The following SPATA17 variants were observed in gnomAD, a reference collection of about 807,000 sequenced individuals.
The protein encoded by SPATA17 is spermatogenesis associated 17.
A neutral mutation model predicts 62.2 loss-of-function variants in SPATA17; 53 were observed. The ratio of observed to expected loss-of-function variants is 0.85; its 90% CI spans 0.68 to 1.07. The LOEUF is 1.07. SPATA17 is among the 50% of genes least tolerant of loss of function. The probability of loss-of-function intolerance (pLI) is 0.00; values close to 1 mark genes in which losing one functional copy is unlikely to be tolerated. For synonymous variants in SPATA17, 146 were observed against 146.8 expected (o/e 0.99, Z 0.04); for missense variants, 466 against 425.5 (o/e 1.10, Z -0.84).
intron 6 of SPATA17, among the ~76,000 whole-genome samples, chr1:217,760,114 T>G (rs960768817): frequency 6.6e-5 from 10 of 152,172 alleles, no homozygotes; most frequent in Non-Finnish European, 1.3e-4. Context: ...TCGATCAAAA[T>G]TTGTATTGAC....
chr1:217,632,791 T>A (rs923164537), intron 1 of SPATA17, among the ~76,000 whole-genome samples: 1 of 152,246 alleles, frequency 6.6e-6, no homozygotes, highest in Admixed American at 6.5e-5. Context: ...ATAGAAATTA[T>A]CTATTTATTT....
At chr1:217,670,891 C>G (rs1246814300) in intron 4 of SPATA17, among the ~76,000 whole-genome samples, 1 of 144,280 alleles carries the variant, frequency 6.9e-6, no homozygotes, top group Admixed American at 7.2e-5. Flanking sequence ...GCGGAAGTGG[C>G]AGTGAGCCGA....
At chr1:217,841,857 TGATA>T (rs1675411557) in intron 9 of SPATA17, among the ~76,000 whole-genome samples, 1 of 151,120 alleles carries the variant, frequency 6.6e-6, no homozygotes, top group Non-Finnish European at 1.5e-5. Context: ...ATTATGTATA[TGATA>T]AATATATATA....
chr1:217,806,623 A>G (rs754476122), intron 9 of SPATA17, among the ~76,000 whole-genome samples: 3 of 152,176 alleles, frequency 2.0e-5, no homozygotes, highest in East Asian at 1.9e-4. Flanking sequence ...GCTTCTGTCA[A>G]TAGAGCTGAT....
chr1:217,838,832 A>G (rs1222587772), intron 9 of SPATA17, among the ~76,000 whole-genome samples: 1 of 152,090 alleles, frequency 6.6e-6, no homozygotes, highest in African/African-American at 2.4e-5. Flanking sequence ...TGGTTCAAAC[A>G]TTTGTCATCT....
At chr1:217,779,172 GTC>G (rs1553251671) in intron 7 of SPATA17, among the ~76,000 whole-genome samples, 2 of 149,758 alleles carry the variant, frequency 1.3e-5, no homozygotes, top group African/African-American at 2.5e-5. Context: ...GTGTGTGTGT[GTC>G]TGTGTATGGA....
chr1:217,636,122 A>C, intron 1 of SPATA17, among the ~76,000 whole-genome samples: 1 of 88,280 alleles, frequency 1.1e-5, no homozygotes, highest in African/African-American at 5.1e-5. Context: ...ACAGAATGAG[A>C]CTCCGTCTCA....
chr1:217,666,668 G>C (rs559411145), intron 3 of SPATA17, among the ~76,000 whole-genome samples: 2 of 152,094 alleles, frequency 1.3e-5, no homozygotes, highest in African/African-American at 4.8e-5. Flanking sequence ...TTCATCTCCA[G>C]AACTTTTTCA....
chr1:217,748,147 C>CA (rs1672809356), intron 6 of SPATA17, among the ~76,000 whole-genome samples: 6 of 150,982 alleles, frequency 4.0e-5, no homozygotes, highest in Admixed American at 3.3e-4. Flanking sequence ...ACAAAAAATA[C>CA]AAAAAATTAG....
intron 5 of SPATA17, among the ~76,000 whole-genome samples, chr1:217,721,748 C>T (rs769416871): frequency 2.6e-5 from 4 of 152,308 alleles, no homozygotes; most frequent in African/African-American, 7.2e-5. Context: ...GAGTACTAAA[C>T]TCCTTCTACC....
At chr1:217,830,177 A>G (rs1170314044) in intron 9 of SPATA17, among the ~76,000 whole-genome samples, 1 of 152,112 alleles carries the variant, frequency 6.6e-6, no homozygotes, top group Non-Finnish European at 1.5e-5. Flanking sequence ...ATCTCATATC[A>G]TTTTGTATCT....
rs367871483 is a variant in SPATA17 at position 217,666,160 on chromosome 1, T to C, written c.241-2873T>C. Reference sequence around the variant, plus strand: ...ATCTTCCCCTTTAAAGTAGACTTGATATCTTGATGATAAAGGAATAGGTAA... The same window carrying C: ...ATCTTCCCCTTTAAAGTAGACTTGACATCTTGATGATAAAGGAATAGGTAA... On this transcript the variant is annotated intron_variant, in intron 3 of 10. Coordinates refer to ENST00000366933, the MANE Select transcript of SPATA17 (RefSeq NM_138796.4). Among the ~76,000 whole-genome samples the C allele has an allele frequency of 4.3e-4, 66 of 152,330 alleles. 1 individual carries two copies. In the South Asian group the frequency reaches 0.013, roughly 31 times the overall value.
At chr1:217,857,887 A>G (rs1025901131) in intron 9 of SPATA17, among the ~76,000 whole-genome samples, 6 of 152,178 alleles carry the variant, frequency 3.9e-5, no homozygotes, top group African/African-American at 9.7e-5. Flanking sequence ...TATCTGTACT[A>G]TTGTCTGACA....
intron 6 of SPATA17, among the ~76,000 whole-genome samples, chr1:217,751,209 G>T (rs1318333198): frequency 1.3e-5 from 2 of 152,188 alleles, no homozygotes; most frequent in African/African-American, 2.4e-5. Flanking sequence ...ATGTAATTTA[G>T]ATATCTGTGG....
chr1:217,736,591 T>C (rs1672514012), intron 5 of SPATA17, among the ~76,000 whole-genome samples: 1 of 151,980 alleles, frequency 6.6e-6, no homozygotes, highest in Non-Finnish European at 1.5e-5. Context: ...AATGGTTTGC[T>C]AGGAAATGAA....
At chr1:217,648,207 A>C (rs1670233803) in intron 1 of SPATA17, among the ~76,000 whole-genome samples, 1 of 152,136 alleles carries the variant, frequency 6.6e-6, no homozygotes, top group Non-Finnish European at 1.5e-5. Flanking sequence ...TAATGCAACT[A>C]TTTATATATT....
At chr1:217,828,951 G>T (rs920235931) in intron 9 of SPATA17, among the ~76,000 whole-genome samples, 2 of 152,122 alleles carry the variant, frequency 1.3e-5, no homozygotes, top group Non-Finnish European at 2.9e-5. Flanking sequence ...ACAAATGTTG[G>T]TGAGGGTGTA....
At chr1:217,853,770 T>G (rs1558077469) in intron 9 of SPATA17, among the ~76,000 whole-genome samples, 1 of 152,166 alleles carries the variant, frequency 6.6e-6, no homozygotes, top group Admixed American at 6.5e-5. Flanking sequence ...AACTGACATA[T>G]ATTTTGACTC....
chr1:217,680,552 G>T (rs1365077644), intron 4 of SPATA17, among the ~76,000 whole-genome samples: 1 of 152,046 alleles, frequency 6.6e-6, no homozygotes, highest in African/African-American at 2.4e-5. Context: ...TGGCAAATAA[G>T]ATCACTTGAG....
Sources: allele counts gnomAD v4.1 joint callset (sites outside exome capture counted in the v4.1 genomes callset), GRCh38; gene constraint gnomAD v4.1.1; transcripts MANE v1.5; gene names NCBI Gene and HGNC (gene_info 2026-07-23, HGNC 2026-07-21).